Variants in NKAIN2 observed in about 807,000 individuals in gnomAD.
The protein encoded by NKAIN2 is sodium/potassium-transporting ATPase subunit beta-1-interacting protein 2.
A neutral mutation model predicts 32.6 loss-of-function variants in NKAIN2; 14 were observed. The observed-to-expected ratio is 0.43, with a 90% CI of 0.28 to 0.67. The LOEUF is 0.67. Ranked by LOEUF, NKAIN2 falls within the 30% of genes least tolerant of loss-of-function variation. NKAIN2 has a pLI of 0.17. For synonymous variants in NKAIN2, 80 were observed against 87.2 expected, an observed-to-expected ratio of 0.92 and a Z score of 0.46; for missense variants, 198 against 258.3, an observed-to-expected ratio of 0.77 and a Z score of 1.60.
intron 5 of NKAIN2, among the ~76,000 whole-genome samples, chr6:124,804,773 T>C (rs1780444552): frequency 6.6e-6 from 1 of 152,076 alleles, no homozygotes; most frequent in South Asian, 2.1e-4. Context: ...ACCTGGAAAA[T>C]CGGATCACTC....
At chr6:124,706,428 G>A (rs773677330) in intron 4 of NKAIN2, among the ~76,000 whole-genome samples, 1 of 151,970 alleles carries the variant, frequency 6.6e-6, no homozygotes, top group African/African-American at 2.4e-5. Context: ...TAAAATAAGC[G>A]ACATTTCCTT....
At chr6:124,348,670 G>A (rs752658126) in intron 2 of NKAIN2, among the ~76,000 whole-genome samples, 2 of 152,234 alleles carry the variant, frequency 1.3e-5, no homozygotes, top group South Asian at 2.1e-4. Flanking sequence ...CATGAGCGAC[G>A]CAGAAGATGG....
intron 3 of NKAIN2, among the ~76,000 whole-genome samples, chr6:124,586,906 T>C (rs1295624543): frequency 6.6e-6 from 1 of 152,206 alleles, no homozygotes; most frequent in African/African-American, 2.4e-5. Context: ...AAGTGTATTA[T>C]GCTGAGTGAG....
At chr6:124,245,376 T>C (rs1793341742) in intron 1 of NKAIN2, among the ~76,000 whole-genome samples, 1 of 152,112 alleles carries the variant, frequency 6.6e-6, no homozygotes. Context: ...GCCAATTCCA[T>C]AATTTTAGCA....
Position 124,471,477 on chromosome 6 carries a change from A to G in NKAIN2, c.273+116130A>G, listed in dbSNP as rs1776970623. 2.6e-5 allele frequency among the ~76,000 whole-genome samples: 4 copies of G among 152,128 alleles called. No individual in the cohort carries two copies. The South Asian group carries it at 6.2e-4, about 24-fold the overall frequency. On this transcript the variant is annotated intron_variant, in intron 3 of 6. Transcript: ENST00000368417. ...CATTAGTAAATCTCTGGCATATTCA[A>G]AGACAGACATAGTCTCAAGATGATT...
At chr6:124,721,497 G>C (rs1169362347) in intron 4 of NKAIN2, among the ~76,000 whole-genome samples, 2 of 152,088 alleles carry the variant, frequency 1.3e-5, no homozygotes, top group African/African-American at 4.8e-5. Flanking sequence ...TACACTGAAG[G>C]ATTCAAGATA....
chr6:124,656,758 T>G (rs1468538673), intron 3 of NKAIN2, among the ~76,000 whole-genome samples: 1 of 151,978 alleles, frequency 6.6e-6, no homozygotes, highest in African/African-American at 2.4e-5. Flanking sequence ...CCACGTTAGC[T>G]CTCTCTCATG....
chr6:124,747,652 T>C (rs1319507960), intron 4 of NKAIN2, among the ~76,000 whole-genome samples: 1 of 151,784 alleles, frequency 6.6e-6, no homozygotes, highest in East Asian at 2.0e-4. Flanking sequence ...TGAATTATTT[T>C]AAAATCTTTC....
chr6:124,272,662 T>G (rs1340831178), intron 1 of NKAIN2, among the ~76,000 whole-genome samples: 1 of 152,072 alleles, frequency 6.6e-6, no homozygotes, highest in Non-Finnish European at 1.5e-5. Context: ...GCTACTGTTC[T>G]CCAGACCCCA....
At chr6:124,250,709 G>A (rs1404733905) in intron 1 of NKAIN2, among the ~76,000 whole-genome samples, 8 of 151,896 alleles carry the variant, frequency 5.3e-5, no homozygotes, top group Non-Finnish European at 1.2e-4. Context: ...TCACATAAAA[G>A]GAATATGATT....
intron 1 of NKAIN2, among the ~76,000 whole-genome samples, chr6:123,886,768 A>AT (rs758508508): frequency 3.0e-4 from 46 of 152,228 alleles, no homozygotes; most frequent in Admixed American, 1.6e-3. Flanking sequence ...GAACAGTAAA[A>AT]CATTTTGTCA....
chr6:124,084,800 T>C (rs963568493), intron 1 of NKAIN2, among the ~76,000 whole-genome samples: 1 of 151,942 alleles, frequency 6.6e-6, no homozygotes, highest in Non-Finnish European at 1.5e-5. Flanking sequence ...AAAGCTTATT[T>C]GAAGAGAACA....
intron 1 of NKAIN2, among the ~76,000 whole-genome samples, chr6:124,190,866 T>G (rs1190358566): frequency 6.6e-6 from 1 of 152,126 alleles, no homozygotes; most frequent in Non-Finnish European, 1.5e-5. Context: ...ACTCTCTTTT[T>G]TAGAGCAGTT....
chr6:124,130,600 A>T (rs1786424080), intron 1 of NKAIN2, among the ~76,000 whole-genome samples: 1 of 131,312 alleles, frequency 7.6e-6, no homozygotes, highest in Non-Finnish European at 1.6e-5. Flanking sequence ...AGTGAATTTA[A>T]TGTTTGCCCT....
At chr6:124,306,684 T>G (rs1359574855) in intron 2 of NKAIN2, among the ~76,000 whole-genome samples, 2 of 152,148 alleles carry the variant, frequency 1.3e-5, no homozygotes, top group Non-Finnish European at 2.9e-5. Context: ...TCTTCTTAAG[T>G]AGCATGATAA....
chr6:124,044,485 A>G (rs1422821257), intron 1 of NKAIN2, among the ~76,000 whole-genome samples: 1 of 152,034 alleles, frequency 6.6e-6, no homozygotes, highest in Non-Finnish European at 1.5e-5. Flanking sequence ...TACTACTGAG[A>G]TATGGACATT....
chr6:124,794,202 G>T (rs983147232), intron 5 of NKAIN2, among the ~76,000 whole-genome samples: 1 of 152,126 alleles, frequency 6.6e-6, no homozygotes, highest in African/African-American at 2.4e-5. Context: ...TCAATTTATA[G>T]AAATTAAAAG....
At chr6:124,484,363 A>T (rs1777571108) in intron 3 of NKAIN2, among the ~76,000 whole-genome samples, 2 of 152,160 alleles carry the variant, frequency 1.3e-5, no homozygotes, top group South Asian at 4.1e-4. Context: ...CTTTGTTTCT[A>T]CGCCAAGTTC....
chr6:124,288,489 G>A (rs2114938455), intron 2 of NKAIN2, among the ~76,000 whole-genome samples: 1 of 152,260 alleles, frequency 6.6e-6, no homozygotes, highest in South Asian at 2.1e-4. Flanking sequence ...ATAACCTCAT[G>A]TTTCAAGAGT....
Sources: gnomAD v4.1 joint callset for allele counts (sites outside exome capture counted in the v4.1 genomes callset) on GRCh38, gnomAD v4.1.1 for gene constraint, MANE v1.5 for transcripts, NCBI Gene and HGNC (gene_info 2026-07-23, HGNC 2026-07-21) for gene names.